The following ERCC6 variants were observed in gnomAD, a reference collection of about 807,000 sequenced individuals.
The protein encoded by ERCC6 is ERCC excision repair 6, chromatin remodeling factor, also known as DNA excision repair protein ERCC-6.
In ERCC6, 116 loss-of-function variants were observed where a neutral mutation model predicts 158.7. The observed-to-expected ratio is 0.73, with a 90% CI of 0.63 to 0.85. The LOEUF is 0.85. Ranked by LOEUF, ERCC6 falls within the 40% of genes least tolerant of loss-of-function variation. The pLI is 0.00. For missense variants in ERCC6, 1,698 were observed against 1,799.4 expected (o/e 0.94, Z 1.02); for synonymous variants, 678 against 659.3 (o/e 1.03, Z -0.43).
the ERCC6 span, among the ~76,000 whole-genome samples, chr10:49,447,135 A>G: frequency 6.6e-6 from 1 of 152,262 alleles, no homozygotes; most frequent in African/African-American, 2.4e-5. Flanking sequence ...AAAGACACAT[A>G]AATCATAATG....
At chr10:49,484,612 C>A (rs1851044883) in intron 8 of ERCC6, among the ~76,000 whole-genome samples, 1 of 152,112 alleles carries the variant, frequency 6.6e-6, no homozygotes, top group South Asian at 2.1e-4. Flanking sequence ...TGGTGGTGCA[C>A]AGCTGCAGTG....
At chr10:49,534,065 C>T (rs1168334762) in intron 1 of ERCC6, among the ~76,000 whole-genome samples, 2 of 127,300 alleles carry the variant, frequency 1.6e-5, no homozygotes, top group South Asian at 5.2e-4. Context: ...ACCCAGGAGG[C>T]GGAGGTTGCA....
intron 5 of ERCC6, chr10:49,506,412 G>GATTTT (rs4253098): frequency 0.87 from 159,053 of 183,030 alleles, 69,788 homozygotes; most frequent in East Asian, 1. Context: ...ACAAAAAATA[G>GATTTT]ATTTATAATT....
intron 6 of ERCC6, chr10:49,502,969 C>T (rs975032048): frequency 1.8e-4 from 27 of 152,118 alleles, no homozygotes; most frequent in African/African-American, 5.3e-4. Context: ...AACTGATGTG[C>T]AATTAGTTTC....
intron 1 of ERCC6, among the ~76,000 whole-genome samples, chr10:49,534,505 T>G (rs1157766932): frequency 6.6e-6 from 1 of 152,176 alleles, no homozygotes; most frequent in Non-Finnish European, 1.5e-5. Context: ...ATTCATGGTA[T>G]GAACACACTT....
At chr10:49,482,130 C>A (rs1465273904) in intron 10 of ERCC6, among the ~76,000 whole-genome samples, 3 of 152,190 alleles carry the variant, frequency 2.0e-5, no homozygotes, top group Non-Finnish European at 4.4e-5. Flanking sequence ...TGCGCCCTGC[C>A]ACATATGGTG....
chr10:49,506,168 G>T, intron 5 of ERCC6, 156 bp from the exon 6 acceptor site: 1 of 733,386 alleles, frequency 1.4e-6, no homozygotes, highest in Non-Finnish European at 2.3e-6. Context: ...ATTCAAAGAG[G>T]AAAAACAATT....
rs1240491914 is a variant in ERCC6, at chr10:49,457,467, C to T, written c.*1348G>A. 1 of 152,188 alleles carries T rather than the reference C, an allele frequency of 6.6e-6. No individual in the cohort carries two copies. Among genetic ancestry groups the T allele is most frequent in the Non-Finnish European group, 1.5e-5 (1 of 68,052 alleles). The allele number at this position is 152,188 out of a possible 1,614,324, so 9.4% of individuals were successfully genotyped here. A position where few individuals can be genotyped will look rare whatever the true frequency, so the allele number is the denominator to read the frequency against. ...AGAGAAAGCAAAACTCATGTCCTCT[C>T]ATGCAGTCCGGCAAGGCCCCCCTGC... is the stretch of plus-strand genomic sequence containing the variant. On this transcript the variant is annotated 3_prime_UTR_variant, in exon 21 of 21. Coordinates refer to ENST00000355832, the MANE Select transcript of ERCC6 (RefSeq NM_000124.4).
In ERCC6 at chr10:49,457,874, C is replaced by T. The variant is rs916478456; in HGVS notation, c.*941G>A. 7.9e-5 allele frequency: 12 copies of T among 152,304 alleles called. No individual in the cohort carries two copies. The highest frequency in any genetic ancestry group is 2.6e-4 in the African/African-American group (11 of 41,532). 9.4% of individuals were successfully genotyped at this position (152,304 alleles called of 1,614,324 possible). ...AAACAGCCTTGGCTGGAATCCAAAC[C>T]GCAGAAACAAGAAAGCCCGTCGCAA... On this transcript the variant is annotated 3_prime_UTR_variant, in exon 21 of 21. Transcript: ENST00000355832.
chr10:49,518,948 A>T (rs2132607867), intron 5 of ERCC6, among the ~76,000 whole-genome samples: 1 of 152,316 alleles, frequency 6.6e-6, no homozygotes, highest in South Asian at 2.1e-4. Context: ...AACCTTTAGG[A>T]TCAAAAATTT....
chr10:49,456,114 A>G lies in ERCC6; in HGVS notation c.*2701T>C, dbSNP rs560445536. 19 of 152,352 alleles carry G rather than the reference A, an allele frequency of 1.2e-4. No homozygotes were observed. The highest frequency in any genetic ancestry group is 3.9e-4 in the Admixed American group (6 of 15,308). The allele number at this position is 152,352 out of a possible 1,614,324, so 9.4% of individuals were successfully genotyped here. On this transcript the variant is annotated 3_prime_UTR_variant, in exon 21 of 21. Transcript: ENST00000355832. Reference sequence around the variant, plus strand: ...TTAATATAAATTACATATTTAAAGCAAACTAATTGCTATAATAGACTTCAA... The same window carrying G: ...TTAATATAAATTACATATTTAAAGCGAACTAATTGCTATAATAGACTTCAA...
chr10:49,457,210 A>G lies in ERCC6; in HGVS notation c.*1605T>C, dbSNP rs1002561232. The G allele has an allele frequency of 1.3e-5, 2 of 152,248 alleles. No homozygotes were observed. Among genetic ancestry groups the G allele is most frequent in the African/African-American group, 4.8e-5 (2 of 41,466 alleles). 9.4% of individuals were successfully genotyped at this position (152,248 alleles called of 1,614,324 possible). On this transcript the variant is annotated 3_prime_UTR_variant, in exon 21 of 21. Coordinates refer to ENST00000355832, the MANE Select transcript of ERCC6 (RefSeq NM_000124.4). The stretch of plus-strand genomic sequence containing the variant: ...GTTTTGACTTTCTTCTAAGCCAAGT[A>G]CTCAAGTTTAAGACTTATTGGCCTA...
At chr10:49,515,629 G>GT (rs1375268096) in intron 5 of ERCC6, 1 of 1,614,060 alleles carries the variant, frequency 6.2e-7, no homozygotes, top group Non-Finnish European at 8.5e-7. Context: ...CAAGCATTTT[G>GT]TAAGACCAGT....
In ERCC6 at chr10:49,506,291, A is replaced by T. The variant is rs1564432391; in HGVS notation, c.1398-279T>A. On this transcript the variant is annotated intron_variant, in intron 5 of 20. Transcript: ENST00000355832. ...AAACTACTTGCTCCTCTTCTGGCATACCCTAAGGGAAAATTTCTCTGCTGG... is the reference window on the plus strand; with the variant it reads ...AAACTACTTGCTCCTCTTCTGGCATTCCCTAAGGGAAAATTTCTCTGCTGG... 8 of 440,650 alleles carry T rather than the reference A, an allele frequency of 1.8e-5. 1 individual carries two copies. Among genetic ancestry groups the T allele is most frequent in the Non-Finnish European group, 3.3e-5 (8 of 245,360 alleles). 27.3% of individuals were successfully genotyped at this position (440,650 alleles called of 1,614,324 possible). A position where few individuals can be genotyped will look rare whatever the true frequency, so the allele number is the denominator to read the frequency against.
chr10:49,475,422 C>A, intron 12 of ERCC6: 1 of 451,488 alleles, frequency 2.2e-6, no homozygotes, highest in Non-Finnish European at 4.5e-6. Flanking sequence ...ATCTAGACCC[C>A]CTAACTTGGA....
chr10:49,526,117 T>TATATATATATA (rs1837326508), intron 4 of ERCC6, among the ~76,000 whole-genome samples: 11 of 43,592 alleles, frequency 2.5e-4, no homozygotes, highest in African/African-American at 6.9e-4. Flanking sequence ...TTATATATTT[T>TATATATATATA]TATATATATA....
intron 20 of ERCC6, among the ~76,000 whole-genome samples, 153 bp from the exon 21 acceptor site, chr10:49,459,387 A>G (rs1175713101): frequency 6.6e-6 from 1 of 152,114 alleles, no homozygotes; most frequent in African/African-American, 2.4e-5. Flanking sequence ...ATGAAAAGGG[A>G]AAGGAGGAGG....
chr10:49,475,922 G>A (rs1194973151), intron 12 of ERCC6, among the ~76,000 whole-genome samples: 1 of 152,134 alleles, frequency 6.6e-6, no homozygotes, highest in Non-Finnish European at 1.5e-5. Flanking sequence ...CACCTACCAG[G>A]TAAGACCCTC....
intron 18 of ERCC6, among the ~76,000 whole-genome samples, chr10:49,467,287 C>T (rs566551107): frequency 1.3e-5 from 2 of 152,188 alleles, no homozygotes; most frequent in Non-Finnish European, 2.9e-5. Context: ...AAAGCGCATG[C>T]AACTGCCAAA....
Sources: gnomAD v4.1 joint callset for allele counts (sites outside exome capture counted in the v4.1 genomes callset) on GRCh38, gnomAD v4.1.1 for gene constraint, MANE v1.5 for transcripts, NCBI Gene and HGNC (gene_info 2026-07-23, HGNC 2026-07-21) for gene names.